The following LRP2 variants were observed in gnomAD, a reference collection of about 807,000 sequenced individuals.
LRP2 encodes the protein LDL receptor related protein 2.
LRP2 carries 172 observed loss-of-function variants against 531.0 expected under a neutral mutation model. The ratio of observed to expected loss-of-function variants is 0.32; its 90% confidence interval spans 0.29 to 0.37. The LOEUF (loss-of-function observed/expected upper bound fraction) is 0.37. Among genes scored for constraint, LRP2 ranks in the 10% least tolerant of loss-of-function variants. The probability of loss-of-function intolerance (pLI) is 1.00; values close to 1 mark genes in which losing one functional copy is unlikely to be tolerated. For synonymous variants in LRP2, 1,992 were observed against 2,027.6 expected, an observed-to-expected ratio of 0.98 and a Z score of 0.47; for missense variants, 5,167 against 5,868.3, an observed-to-expected ratio of 0.88 and a Z score of 3.90.
At chr2:169,313,895 T>C (rs1684687452) in intron 3 of LRP2, among the ~76,000 whole-genome samples, 1 of 152,218 alleles carries the variant, frequency 6.6e-6, no homozygotes. Context: ...TGTCCATTAG[T>C]GGTCCGTGGG....
chr2:169,145,998 C>T (rs993031096), intron 69 of LRP2, 75 bp from the exon 70 acceptor site: 23 of 1,292,058 alleles, frequency 1.8e-5, no homozygotes, highest in Non-Finnish European at 2.6e-5. Context: ...ACCGCCACTT[C>T]TAGATCTGAT....
chr2:169,198,814 A>G lies in LRP2; in HGVS notation c.8550T>C (p.Asp2850=). The G allele has an allele frequency of 6.2e-7, 1 of 1,613,972 alleles. No homozygotes were observed. Among genetic ancestry groups the G allele is most frequent in the Non-Finnish European group, 8.5e-7 (1 of 1,179,870 alleles). The change falls in exon 45 of 79, where the codon GAT becomes GAC. Residue 2850 remains aspartate, a synonymous_variant. Coordinates refer to ENST00000649046, the MANE Select transcript of LRP2 (RefSeq NM_004525.3). ...AATAAGTAGGGTTTTCATCACTGTT[A>G]TCTCCACAGTCATTGTCTCCGTCAC... ...YLCDGDNDCG[D]NSDENPTYCT...
intron 68 of LRP2, among the ~76,000 whole-genome samples, chr2:169,147,798 T>A (rs1685971137): frequency 6.6e-6 from 1 of 152,188 alleles, no homozygotes; most frequent in South Asian, 2.1e-4. Context: ...TATCAAGTGA[T>A]GCGGAGAGCA....
At chr2:169,229,624 A>T (rs1038209587) in intron 31 of LRP2, among the ~76,000 whole-genome samples, 3 of 152,232 alleles carry the variant, frequency 2.0e-5, no homozygotes, top group Admixed American at 6.5e-5. Flanking sequence ...TAAAGAATTT[A>T]AAAAGTCTCA....
chr2:169,332,032 T>A (rs771933588), intron 1 of LRP2, among the ~76,000 whole-genome samples: 40 of 152,222 alleles, frequency 2.6e-4, no homozygotes, highest in Non-Finnish European at 5.3e-4. Context: ...ATTAATTAGG[T>A]CCAAGTGTTG....
intron 1 of LRP2, among the ~76,000 whole-genome samples, chr2:169,359,570 C>A (rs1259167335): frequency 1.3e-5 from 2 of 152,088 alleles, no homozygotes; most frequent in Non-Finnish European, 2.9e-5. Context: ...AAGTCAGGAT[C>A]ATTACAACAG....
chr2:169,206,301 A>G lies in LRP2; in HGVS notation c.7390+29T>C, dbSNP rs755623452. On this transcript the variant is annotated intron_variant, in intron 39 of 78. Coordinates refer to ENST00000649046, the MANE Select transcript of LRP2 (RefSeq NM_004525.3). ...TGTTGACCCCATTGTGTCTACTTGC[A>G]GGACAAGCAGCACCTGGAGTGCACT... The G allele has an allele frequency of 5.0e-6, 8 of 1,612,442 alleles. 1 individual carries two copies. In the South Asian group the frequency reaches 8.8e-5, roughly 18 times the overall value.
intron 30 of LRP2, 96 bp downstream of exon 30, chr2:169,233,315 C>A: frequency 7.2e-7 from 1 of 1,379,598 alleles, no homozygotes; most frequent in Admixed American, 1.7e-5. Context: ...AATGTATTGT[C>A]CAAACAAATG....
chr2:169,327,709 G>T, intron 1 of LRP2, among the ~76,000 whole-genome samples: 1 of 122,494 alleles, frequency 8.2e-6, no homozygotes, highest in Admixed American at 7.4e-5. Flanking sequence ...AGGGAGGTGG[G>T]GGGATCAGCA....
At position 169,225,449 on chromosome 2, in the gene LRP2, T is replaced by C; in HGVS notation, c.5399A>G (p.Glu1800Gly). The change falls in exon 33 of 79, where the codon GAA becomes GGA. Residue 1800 changes from glutamate to glycine, a missense_variant. Glu to Gly is a moderately conservative substitution (Grantham distance 98, BLOSUM62 -2). Coordinates refer to ENST00000649046, the MANE Select transcript of LRP2 (RefSeq NM_004525.3). ...QYIYWVENPG[E>G]IHRVKTDGTN... ...GCCATCTGTCTTCACTCTGTGAATT[T>C]CACCCTGGAAAGAAAGACAAGGGGA... The C allele has an allele frequency of 6.2e-7, 1 of 1,614,004 alleles. No homozygotes were observed. Among genetic ancestry groups the C allele is most frequent in the Non-Finnish European group, 8.5e-7 (1 of 1,179,924 alleles).
chr2:169,339,918 G>A (rs1298866669), intron 1 of LRP2, among the ~76,000 whole-genome samples: 1 of 152,118 alleles, frequency 6.6e-6, no homozygotes, highest in Admixed American at 6.5e-5. Flanking sequence ...GAAGTAACCA[G>A]AGAATAAGCA....
intron 16 of LRP2, among the ~76,000 whole-genome samples, chr2:169,259,457 CA>C (rs1367397239): frequency 6.6e-6 from 1 of 151,396 alleles, no homozygotes; most frequent in African/African-American, 2.4e-5. Context: ...ATGATACTGA[CA>C]AACAGAACCA....
At chr2:169,138,110 C>T (rs1309392219) in intron 75 of LRP2, among the ~76,000 whole-genome samples, 1 of 152,190 alleles carries the variant, frequency 6.6e-6, no homozygotes, top group Non-Finnish European at 1.5e-5. Context: ...TTGTCACATA[C>T]TTAGTAGGTG....
intron 63 of LRP2, among the ~76,000 whole-genome samples, chr2:169,159,012 C>A (rs1054387519): frequency 1.3e-5 from 2 of 152,136 alleles, no homozygotes; most frequent in Non-Finnish European, 2.9e-5. Flanking sequence ...AATATCTATC[C>A]AAGCCATCTG....
At chr2:169,130,322 C>T (rs1185624136) in intron 77 of LRP2, among the ~76,000 whole-genome samples, 1 of 147,292 alleles carries the variant, frequency 6.8e-6, no homozygotes, top group Non-Finnish European at 1.5e-5. Context: ...AAGTCTCACT[C>T]TGTCGCCTAG....
rs771267630 is a variant in LRP2 at position 169,271,127 on chromosome 2, GCA to G, written c.2117-22_2117-21del. ...GAACAGCTGTAGGAAGAATAACACA[GCA>G]CAGTCAGTCACAGCATGGTTCTTTT... On this transcript the variant is annotated intron_variant, in intron 15 of 78. Coordinates refer to ENST00000649046, the MANE Select transcript of LRP2 (RefSeq NM_004525.3). The G allele has an allele frequency of 3.2e-6, 5 of 1,571,078 alleles. No homozygotes were observed. Among genetic ancestry groups the G allele is most frequent in the Non-Finnish European group, 4.4e-6 (5 of 1,142,686 alleles).
In LRP2 at chr2:169,290,806, C is replaced by A. The variant is rs151299823; in HGVS notation, c.922+39G>T. ...CGTCTGTTCTAGAAAACAGAAATAT[C>A]TTTATCTGAAAGCTACCCAGGTAAA... On this transcript the variant is annotated intron_variant, in intron 8 of 78. Transcript: ENST00000649046. The A allele has an allele frequency of 1.2e-3, 1,976 of 1,606,364 alleles. 23 individuals carry two copies. The South Asian group carries it at 0.016, about 13-fold the overall frequency.
At chr2:169,130,636 T>C (rs1197639046) in intron 77 of LRP2, among the ~76,000 whole-genome samples, 1 of 152,196 alleles carries the variant, frequency 6.6e-6, no homozygotes, top group Non-Finnish European at 1.5e-5. Flanking sequence ...AAAGATACAT[T>C]TGTGGGACTC....
intron 47 of LRP2, among the ~76,000 whole-genome samples, chr2:169,193,338 G>C (rs1381668520): frequency 6.6e-6 from 1 of 151,526 alleles, no homozygotes. Flanking sequence ...GGCTGAAGTG[G>C]GAGGATCGCT....
Sources: allele counts gnomAD v4.1 joint callset (sites outside exome capture counted in the v4.1 genomes callset), GRCh38; gene constraint gnomAD v4.1.1; transcripts MANE v1.5; gene names NCBI Gene and HGNC (gene_info 2026-07-23, HGNC 2026-07-21).